SNX3: variants seen among roughly 807,000 people sequenced by gnomAD.
The protein encoded by SNX3 is sorting nexin-3.
SNX3 carries 5 observed loss-of-function variants against 17.7 expected under a neutral mutation model. That is an observed-to-expected ratio of 0.28 (90% CI 0.15 to 0.59). The LOEUF (loss-of-function observed/expected upper bound fraction) is 0.59, where lower values mean the gene tolerates loss of function less well. Ranked by LOEUF, SNX3 falls within the 20% of genes least tolerant of loss-of-function variation. SNX3 has a pLI of 0.88. For missense variants in SNX3, 132 were observed against 206.8 expected (o/e 0.64, Z 2.22); for synonymous variants, 91 against 76.5 (o/e 1.19, Z -0.99).
intron 2 of SNX3, among the ~76,000 whole-genome samples, chr6:108,220,889 G>A (rs1020583721): frequency 6.6e-6 from 1 of 151,908 alleles, no homozygotes; most frequent in Non-Finnish European, 1.5e-5. Context: ...GCTGAGGCAG[G>A]AGAATTGCTT....
At chr6:108,258,431 C>T (rs1403429388) in intron 1 of SNX3, among the ~76,000 whole-genome samples, 1 of 148,864 alleles carries the variant, frequency 6.7e-6, no homozygotes, top group South Asian at 2.1e-4. Context: ...GCACTGCAGC[C>T]TGGGCAACAG....
chr6:108,221,161 G>C (rs893552646), intron 2 of SNX3, among the ~76,000 whole-genome samples: 1 of 152,082 alleles, frequency 6.6e-6, no homozygotes, highest in Admixed American at 6.6e-5. Flanking sequence ...AGAAGATACT[G>C]CTCTACTTCA....
chr6:108,215,096 T>C (rs1344296967), intron 2 of SNX3, among the ~76,000 whole-genome samples: 1 of 151,770 alleles, frequency 6.6e-6, no homozygotes, highest in African/African-American at 2.4e-5. Flanking sequence ...ATGCCTGTAA[T>C]CCCAGCACTT....
chr6:108,250,237 G>C (rs1269730886), intron 1 of SNX3, among the ~76,000 whole-genome samples: 1 of 152,090 alleles, frequency 6.6e-6, no homozygotes, highest in African/African-American at 2.4e-5. Flanking sequence ...GATTCTCCAA[G>C]TGCCTTTTGA....
intron 2 of SNX3, among the ~76,000 whole-genome samples, chr6:108,218,226 G>C (rs1774647906): frequency 6.6e-6 from 1 of 152,030 alleles, no homozygotes; most frequent in Admixed American, 6.6e-5. Flanking sequence ...AAAGGCAAAA[G>C]CTCTCAATAA....
At chr6:108,238,387 A>G (rs185697242) in intron 1 of SNX3, among the ~76,000 whole-genome samples, 138 of 152,296 alleles carry the variant, frequency 9.1e-4, no homozygotes, top group South Asian at 8.3e-4. Flanking sequence ...ATGTATATAC[A>G]ATGTTTTAGG....
intron 1 of SNX3, among the ~76,000 whole-genome samples, chr6:108,260,086 A>C (rs1449754075): frequency 6.6e-6 from 1 of 152,232 alleles, no homozygotes; most frequent in Non-Finnish European, 1.5e-5. Context: ...GAATTAAGAG[A>C]GCAAGATCCC....
At chr6:108,234,248 T>C (rs995987595) in intron 1 of SNX3, among the ~76,000 whole-genome samples, 1 of 151,396 alleles carries the variant, frequency 6.6e-6, no homozygotes, top group Non-Finnish European at 1.5e-5. Context: ...CATATATATA[T>C]ATATATAACA....
chr6:108,238,734 T>C (rs1775429072), intron 1 of SNX3, among the ~76,000 whole-genome samples: 1 of 152,212 alleles, frequency 6.6e-6, no homozygotes, highest in Admixed American at 6.5e-5. Flanking sequence ...AGGCTGTATC[T>C]TACAGAAACA....
intron 1 of SNX3, among the ~76,000 whole-genome samples, chr6:108,255,825 G>A (rs1031417523): frequency 6.6e-6 from 1 of 152,164 alleles, no homozygotes; most frequent in Non-Finnish European, 1.5e-5. Flanking sequence ...TACAAGTTTA[G>A]AACGGCAAGC....
rs116711158 is a variant in SNX3, at chr6:108,219,449, T to C, written c.258+3501A>G. ...AGTGAAGCCTCATCCTTACAAAAAA[T>C]TTTTTAAAATTAGCTGGACATGGTG... On this transcript the variant is annotated intron_variant, in intron 2 of 3. Coordinates refer to ENST00000230085, the MANE Select transcript of SNX3 (RefSeq NM_003795.6). Among the ~76,000 whole-genome samples the C allele has an allele frequency of 6.0e-3, 905 of 152,072 alleles. 13 individuals are homozygous for C. The highest frequency in any genetic ancestry group is 0.021 in the African/African-American group (872 of 41,502).
intron 1 of SNX3, among the ~76,000 whole-genome samples, chr6:108,237,433 A>T (rs1562431562): frequency 6.6e-6 from 1 of 152,134 alleles, no homozygotes; most frequent in African/African-American, 2.4e-5. Flanking sequence ...GCAGCTCATT[A>T]GCCATTAAAA....
intron 1 of SNX3, among the ~76,000 whole-genome samples, chr6:108,233,654 T>C (rs558687): frequency 0.23 from 34,851 of 151,920 alleles, 5,349 homozygotes; most frequent in African/African-American, 0.42. Flanking sequence ...GAGGCTGAGG[T>C]GGGAGAATCG....
At chr6:108,257,451 T>G (rs1243612448) in intron 1 of SNX3, among the ~76,000 whole-genome samples, 1 of 152,104 alleles carries the variant, frequency 6.6e-6, no homozygotes, top group South Asian at 2.1e-4. Context: ...AGTTTGAGAA[T>G]GCAGTGAGCC....
At chr6:108,256,525 G>A (rs1294736565) in intron 1 of SNX3, among the ~76,000 whole-genome samples, 2 of 152,184 alleles carry the variant, frequency 1.3e-5, no homozygotes, top group Non-Finnish European at 2.9e-5. Context: ...AGTCCTAAGA[G>A]GTAGGTACTA....
intron 1 of SNX3, among the ~76,000 whole-genome samples, chr6:108,251,676 A>C (rs2114764526): frequency 6.6e-6 from 1 of 152,372 alleles, no homozygotes; most frequent in African/African-American, 2.4e-5. Flanking sequence ...AGAACAGCCC[A>C]AACTCTATAC....
chr6:108,222,899 A>G (rs1449478781), intron 2 of SNX3, 51 bp downstream of exon 2: 1 of 1,053,616 alleles, frequency 9.5e-7, no homozygotes, highest in Non-Finnish European at 1.5e-6. Flanking sequence ...AATATTAAAC[A>G]TTAAAACTTG....
At chr6:108,232,464 T>C (rs1200679803) in intron 1 of SNX3, among the ~76,000 whole-genome samples, 2 of 152,196 alleles carry the variant, frequency 1.3e-5, no homozygotes, top group African/African-American at 4.8e-5. Context: ...TTACACAGGC[T>C]GACCTATTAA....
intron 1 of SNX3, among the ~76,000 whole-genome samples, chr6:108,253,135 G>A (rs1775915789): frequency 6.6e-6 from 1 of 152,208 alleles, no homozygotes; most frequent in African/African-American, 2.4e-5. Flanking sequence ...ATAAAGGTGA[G>A]CAGGAGAGGA....
Sources: allele counts gnomAD v4.1 joint callset (sites outside exome capture counted in the v4.1 genomes callset), GRCh38; gene constraint gnomAD v4.1.1; transcripts MANE v1.5; gene names NCBI Gene and HGNC (gene_info 2026-07-23, HGNC 2026-07-21).